PRKN: variants seen among roughly 807,000 people sequenced by gnomAD.
PRKN encodes E3 ubiquitin-protein ligase parkin.
Under a neutral mutation model 59.5 loss-of-function variants are expected in PRKN, and 56 were observed. That is an observed-to-expected ratio of 0.94 (90% confidence interval 0.76 to 1.18). The LOEUF is 1.18. Among genes scored for constraint, PRKN ranks in the 50% most tolerant of loss-of-function variants. The pLI, the probability that PRKN is intolerant of heterozygous loss-of-function variation, is 0.00. For missense variants in PRKN, 657 were observed against 596.4 expected, an observed-to-expected ratio of 1.10 and a Z score of -1.06; for synonymous variants, 250 against 222.1, an observed-to-expected ratio of 1.13 and a Z score of -1.12.
chr6:161,720,549 C>T (rs1305366335), intron 7 of PRKN, among the ~76,000 whole-genome samples: 1 of 152,122 alleles, frequency 6.6e-6, no homozygotes, highest in East Asian at 1.9e-4. Flanking sequence ...GAAAGTCACC[C>T]CCTGCAGAGA....
Position 162,538,416 on chromosome 6 carries a change from A to T in PRKN, c.8-94943T>A, listed in dbSNP as rs964202979. ...TGTCTCTAAATAAATAAATAAAATT[A>T]AAAAAAAGAAAAGAAGTATCTAAAT... On this transcript the variant is annotated intron_variant, in intron 1 of 11. Transcript: ENST00000366898. Among the ~76,000 whole-genome samples, 3 of 151,988 alleles carry T rather than the reference A, an allele frequency of 2.0e-5. 1 individual carries two copies. The highest frequency in any genetic ancestry group is 4.2e-4 in the South Asian group (2 of 4,804).
intron 7 of PRKN, among the ~76,000 whole-genome samples, chr6:161,639,942 T>A (rs1161283598): frequency 6.6e-6 from 1 of 152,172 alleles, no homozygotes; most frequent in Non-Finnish European, 1.5e-5. Context: ...TCTAGTAAAA[T>A]TCTTTCCCAG....
chr6:162,266,822 A>G (rs1780160023), intron 2 of PRKN, among the ~76,000 whole-genome samples: 1 of 152,182 alleles, frequency 6.6e-6, no homozygotes, highest in African/African-American at 2.4e-5. Flanking sequence ...TCAGAAAACT[A>G]AAGAGGATGG....
chr6:162,050,455 C>T (rs557460976), intron 5 of PRKN, among the ~76,000 whole-genome samples: 1 of 128,852 alleles, frequency 7.8e-6, no homozygotes, highest in South Asian at 2.6e-4. Flanking sequence ...GTCCCATTTT[C>T]CTATATTTCA....
intron 4 of PRKN, among the ~76,000 whole-genome samples, chr6:162,200,343 C>T (rs1784673957): frequency 6.6e-6 from 1 of 152,082 alleles, no homozygotes; most frequent in Non-Finnish European, 1.5e-5. Flanking sequence ...TCTAAAGAAC[C>T]AGTGAGTATG....
At chr6:161,803,523 C>T (rs1281054051) in intron 6 of PRKN, among the ~76,000 whole-genome samples, 1 of 152,178 alleles carries the variant, frequency 6.6e-6, no homozygotes, top group East Asian at 1.9e-4. Flanking sequence ...GGATGATGGA[C>T]TCATTGAGCA....
intron 9 of PRKN, among the ~76,000 whole-genome samples, chr6:161,443,896 C>T (rs953677217): frequency 1.9e-4 from 29 of 152,162 alleles, no homozygotes; most frequent in Non-Finnish European, 8.8e-5. Context: ...CAAGTAATAA[C>T]GGAGCTGCCT....
intron 5 of PRKN, among the ~76,000 whole-genome samples, chr6:162,030,741 C>T (rs1005507395): frequency 6.6e-6 from 1 of 152,148 alleles, no homozygotes; most frequent in Non-Finnish European, 1.5e-5. Context: ...GACAAGGGAG[C>T]AAGGTGCTTT....
At chr6:162,111,005 C>T (rs1178975718) in intron 4 of PRKN, among the ~76,000 whole-genome samples, 1 of 152,066 alleles carries the variant, frequency 6.6e-6, no homozygotes, top group Non-Finnish European at 1.5e-5. Context: ...ATGACCAGAC[C>T]GCCAAATGCA....
intron 7 of PRKN, among the ~76,000 whole-genome samples, chr6:161,728,141 A>G (rs1334848131): frequency 2.0e-5 from 3 of 152,118 alleles, no homozygotes; most frequent in African/African-American, 4.8e-5. Context: ...AGATGCTGGG[A>G]AAGTTTTTGA....
At chr6:161,876,638 G>C (rs1465950749) in intron 6 of PRKN, among the ~76,000 whole-genome samples, 5 of 152,138 alleles carry the variant, frequency 3.3e-5, no homozygotes, top group African/African-American at 1.2e-4. Flanking sequence ...TTATGAAAAA[G>C]TGTGTAGTGT....
At chr6:161,739,251 C>T (rs977336593) in intron 7 of PRKN, among the ~76,000 whole-genome samples, 10 of 151,966 alleles carry the variant, frequency 6.6e-5, no homozygotes, top group African/African-American at 2.4e-4. Flanking sequence ...CTACCAAAAA[C>T]ATAAAAATTC....
In PRKN at chr6:161,507,508, C is replaced by T. The variant is rs147280237; in HGVS notation, c.1083+41346G>A. Among the ~76,000 whole-genome samples the T allele has an allele frequency of 8.6e-3, 1,312 of 152,276 alleles. 19 individuals carry two copies. Among genetic ancestry groups the T allele is most frequent in the African/African-American group, 0.031 (1,272 of 41,538 alleles). ...GTGGGGAACCGCCAATTATAATCTA[C>T]AATCTCTTTTGCTAACTAGCATTCC... On this transcript the variant is annotated intron_variant, in intron 9 of 11. Transcript: ENST00000366898.
At chr6:162,639,279 A>G (rs1183077396) in intron 1 of PRKN, among the ~76,000 whole-genome samples, 1 of 152,172 alleles carries the variant, frequency 6.6e-6, no homozygotes, top group Non-Finnish European at 1.5e-5. Context: ...GTTTCAACAA[A>G]GCAAAATCAT....
chr6:162,692,121 A>C (rs899332799), intron 1 of PRKN, among the ~76,000 whole-genome samples: 1 of 151,868 alleles, frequency 6.6e-6, no homozygotes, highest in African/African-American at 2.4e-5. Context: ...ATGCCTGCAC[A>C]ATGTGCACAT....
chr6:162,020,823 G>A (rs1783118445), intron 5 of PRKN, among the ~76,000 whole-genome samples: 1 of 151,778 alleles, frequency 6.6e-6, no homozygotes, highest in Non-Finnish European at 1.5e-5. Context: ...ATATGTAATG[G>A]GCCCGGCGCG....
intron 7 of PRKN, among the ~76,000 whole-genome samples, chr6:161,638,805 G>A (rs978034418): frequency 2.1e-5 from 3 of 145,696 alleles, no homozygotes; most frequent in East Asian, 2.0e-4. Flanking sequence ...GCAGTGGCAC[G>A]ATCTCGGCTT....
intron 2 of PRKN, chr6:162,269,606 C>T (rs888913244): frequency 2.0e-5 from 3 of 152,222 alleles, no homozygotes; most frequent in African/African-American, 7.2e-5. Flanking sequence ...CATTGGCATA[C>T]TTACTGTACC....
At chr6:161,911,891 C>CG (rs1239644931) in intron 6 of PRKN, among the ~76,000 whole-genome samples, 1 of 151,984 alleles carries the variant, frequency 6.6e-6, no homozygotes, top group African/African-American at 2.4e-5. Context: ...GTATAAGAAA[C>CG]GATGGGCCAG....
Sources: gnomAD v4.1 joint callset for allele counts (sites outside exome capture counted in the v4.1 genomes callset) on GRCh38, gnomAD v4.1.1 for gene constraint, MANE v1.5 for transcripts, NCBI Gene and HGNC (gene_info 2026-07-23, HGNC 2026-07-21) for gene names.